SCAPER: variants seen among roughly 807,000 people sequenced by gnomAD.
The protein encoded by SCAPER is S-phase cyclin A associated protein in the ER, also known as S phase cyclin A-associated protein in the endoplasmic reticulum.
SCAPER carries 98 observed loss-of-function variants against 182.2 expected under a neutral mutation model. The observed-to-expected ratio is 0.54, with a 90% CI of 0.46 to 0.64. The LOEUF (loss-of-function observed/expected upper bound fraction) is 0.64, where lower values mean the gene tolerates loss of function less well. Among genes scored for constraint, SCAPER ranks in the 30% least tolerant of loss-of-function variants. The pLI is 0.00. For missense variants in SCAPER, 1,432 were observed against 1,690.0 expected (o/e 0.85, Z 2.68); for synonymous variants, 605 against 564.6 (o/e 1.07, Z -1.01).
At chr15:76,755,743 T>G (rs2062383086) in intron 14 of SCAPER, among the ~76,000 whole-genome samples, 1 of 152,206 alleles carries the variant, frequency 6.6e-6, no homozygotes, top group Non-Finnish European at 1.5e-5. Context: ...TTAGGTACTT[T>G]TTCCTTTCTC....
intron 27 of SCAPER, among the ~76,000 whole-genome samples, chr15:76,389,436 G>C (rs1238886509): frequency 6.8e-6 from 1 of 147,576 alleles, no homozygotes. Context: ...GGGAGGTGGA[G>C]GTTGCAGTGA....
In SCAPER at chr15:76,600,967, T is replaced by A. The variant is rs183857708; in HGVS notation, c.2711+20797A>T. 4.2e-5 allele frequency among the ~76,000 whole-genome samples: 5 copies of A among 120,258 alleles called. 1 individual carries two copies. The highest frequency in any genetic ancestry group is 9.4e-5 in the Admixed American group (1 of 10,592). The allele number at this position is 120,258 out of a possible 152,430, so 78.9% of individuals were successfully genotyped here. On this transcript the variant is annotated intron_variant, in intron 22 of 31. Transcript: ENST00000563290. ...TGGAAAGGACCAATAAAAAACAACC[T>A]CTGAAAAGTTTACTCAAAAAACAAC...
At chr15:76,763,552 A>T (rs867933748) in intron 14 of SCAPER, among the ~76,000 whole-genome samples, 526 of 2,378 alleles carry the variant, frequency 0.22, 5 homozygotes, top group Admixed American at 0.35. Context: ...TATTTCTTTA[A>T]AAAAAAAAAG....
rs549520185 is a variant in SCAPER at position 76,710,641 on chromosome 15, G to T, written c.2166-4657C>A. ...TCAGAAATTAAAGGAGATCTAAACAGAGAGAAACATCATATTCATGGATTG... is the reference window on the plus strand; with the variant it reads ...TCAGAAATTAAAGGAGATCTAAACATAGAGAAACATCATATTCATGGATTG... On this transcript the variant is annotated intron_variant, in intron 17 of 31. Transcript: ENST00000563290. Among the ~76,000 whole-genome samples, 21 of 152,204 alleles carry T rather than the reference G, an allele frequency of 1.4e-4. No homozygotes were observed. In the South Asian group the frequency reaches 3.1e-3, roughly 23 times the overall value.
intron 14 of SCAPER, among the ~76,000 whole-genome samples, chr15:76,760,885 A>G (rs1319240916): frequency 2.6e-5 from 4 of 152,202 alleles, no homozygotes; most frequent in Admixed American, 6.5e-5. Flanking sequence ...TTATTTCACA[A>G]AAGTGTTCCC....
intron 8 of SCAPER, among the ~76,000 whole-genome samples, chr15:76,790,985 A>C (rs1259191531): frequency 6.6e-6 from 1 of 152,188 alleles, no homozygotes; most frequent in African/African-American, 2.4e-5. Flanking sequence ...ACAAGTTGTT[A>C]AATGTTCATT....
chr15:76,781,761 A>G (rs1039889121), intron 8 of SCAPER, among the ~76,000 whole-genome samples: 3 of 152,174 alleles, frequency 2.0e-5, no homozygotes, highest in Admixed American at 1.3e-4. Context: ...AAAATTTTCA[A>G]CCCAGAATTT....
intron 26 of SCAPER, among the ~76,000 whole-genome samples, chr15:76,424,518 A>T (rs1195951032): frequency 1.3e-5 from 2 of 152,128 alleles, no homozygotes; most frequent in Non-Finnish European, 2.9e-5. Context: ...GTGTCTCTGC[A>T]CGTGAGATGG....
In SCAPER at chr15:76,598,415, TA is replaced by T. The variant is rs2049666411; in HGVS notation, c.2711+23348del. ...TGGCAATTTCTCAAAGATGTAGAAC[TA>T]GAAATGCCATTTGACCCAGCAATCC... On this transcript the variant is annotated intron_variant, in intron 22 of 31. Transcript: ENST00000563290. 1.6e-5 allele frequency among the ~76,000 whole-genome samples: 2 copies of T among 121,498 alleles called. 1 individual carries two copies. 79.7% of individuals were successfully genotyped at this position (121,498 alleles called of 152,430 possible).
At chr15:76,679,367 T>C (rs2057555476) in intron 20 of SCAPER, among the ~76,000 whole-genome samples, 1 of 152,204 alleles carries the variant, frequency 6.6e-6, no homozygotes, top group Non-Finnish European at 1.5e-5. Context: ...TAAAATTCTG[T>C]CAAACAGTAA....
chr15:76,456,645 T>G (rs1485923316), intron 25 of SCAPER, among the ~76,000 whole-genome samples: 1 of 152,236 alleles, frequency 6.6e-6, no homozygotes, highest in Non-Finnish European at 1.5e-5. Flanking sequence ...ATGTATATTT[T>G]TACTGATTTC....
chr15:76,562,574 G>C (rs2046726091), intron 23 of SCAPER, among the ~76,000 whole-genome samples: 1 of 152,172 alleles, frequency 6.6e-6, no homozygotes, highest in South Asian at 2.1e-4. Context: ...TGGCAAGATA[G>C]CACTGTCTAC....
At chr15:76,393,899 T>A (rs1434135208) in intron 27 of SCAPER, among the ~76,000 whole-genome samples, 1 of 152,234 alleles carries the variant, frequency 6.6e-6, no homozygotes, top group Non-Finnish European at 1.5e-5. Context: ...CTACCACAGA[T>A]GTGTGAATAA....
At chr15:76,860,726 A>C (rs1323065776) in intron 3 of SCAPER, among the ~76,000 whole-genome samples, 1 of 152,312 alleles carries the variant, frequency 6.6e-6, no homozygotes, top group African/African-American at 2.4e-5. Context: ...CAAATGGATC[A>C]GAGGACCAAA....
At chr15:76,794,495 T>G (rs1053149195) in intron 8 of SCAPER, among the ~76,000 whole-genome samples, 1 of 133,744 alleles carries the variant, frequency 7.5e-6, no homozygotes, top group Non-Finnish European at 1.6e-5. Flanking sequence ...CACAACTTAC[T>G]GAGAAAAAAA....
intron 4 of SCAPER, among the ~76,000 whole-genome samples, chr15:76,853,650 AT>A (rs2071019113): frequency 6.6e-6 from 1 of 152,230 alleles, no homozygotes; most frequent in Non-Finnish European, 1.5e-5. Flanking sequence ...TAAATGAGAT[AT>A]TAAAGGAACA....
intron 24 of SCAPER, among the ~76,000 whole-genome samples, chr15:76,492,504 C>T (rs1275987283): frequency 1.3e-5 from 2 of 151,730 alleles, no homozygotes; most frequent in Non-Finnish European, 2.9e-5. Flanking sequence ...GTATAGTACT[C>T]ATCAGAATAA....
At chr15:76,850,868 A>AG (rs2070679480) in intron 4 of SCAPER, among the ~76,000 whole-genome samples, 1 of 151,040 alleles carries the variant, frequency 6.6e-6, no homozygotes, top group Non-Finnish European at 1.5e-5. Context: ...TCAAAAAAAA[A>AG]AAAAAAAAAG....
At chr15:76,621,079 A>G (rs2146091535) in intron 22 of SCAPER, among the ~76,000 whole-genome samples, 1 of 152,326 alleles carries the variant, frequency 6.6e-6, no homozygotes, top group South Asian at 2.1e-4. Context: ...TATTCCACTG[A>G]GCAGGCTTAG....
Sources: allele counts gnomAD v4.1 joint callset (sites outside exome capture counted in the v4.1 genomes callset), GRCh38; gene constraint gnomAD v4.1.1; transcripts MANE v1.5; gene names NCBI Gene and HGNC (gene_info 2026-07-23, HGNC 2026-07-21).